LRRC2: variants seen among roughly 807,000 people sequenced by gnomAD.
LRRC2 encodes leucine-rich repeat-containing protein 2.
A neutral mutation model predicts 40.2 loss-of-function variants in LRRC2; 27 were observed. That is an observed-to-expected ratio of 0.67 (90% CI 0.49 to 0.93). LRRC2 has a LOEUF of 0.93. Among genes scored for constraint, LRRC2 ranks in the 40% least tolerant of loss-of-function variants. The probability of loss-of-function intolerance (pLI) is 0.00; values close to 1 mark genes in which losing one functional copy is unlikely to be tolerated. For missense variants in LRRC2, 402 were observed against 439.6 expected, an observed-to-expected ratio of 0.91 and a Z score of 0.76; for synonymous variants, 147 against 158.9, an observed-to-expected ratio of 0.92 and a Z score of 0.56.
chr3:46,529,863 G>A (rs754528464), intron 6 of LRRC2, 42 bp downstream of exon 6: 100 of 1,604,012 alleles, frequency 6.2e-5, no homozygotes, highest in Non-Finnish European at 7.6e-5. Flanking sequence ...TGAAGCGTTA[G>A]TAACTAATAC....
chr3:46,524,370 G>T (rs1704019701), intron 7 of LRRC2, among the ~76,000 whole-genome samples: 1 of 152,188 alleles, frequency 6.6e-6, no homozygotes, highest in Non-Finnish European at 1.5e-5. Flanking sequence ...TGCTGGTACA[G>T]AGTGGTCTGC....
At chr3:46,538,686 C>A (rs935341474) in intron 4 of LRRC2, among the ~76,000 whole-genome samples, 1 of 152,108 alleles carries the variant, frequency 6.6e-6, no homozygotes, top group Non-Finnish European at 1.5e-5. Context: ...TATCAATGGA[C>A]TAATGTATAA....
At chr3:46,538,377 G>A (rs1472023488) in intron 4 of LRRC2, among the ~76,000 whole-genome samples, 1 of 152,190 alleles carries the variant, frequency 6.6e-6, no homozygotes, top group Admixed American at 6.5e-5. Context: ...GCTCATGCCT[G>A]TAATCCCAGC....
intron 4 of LRRC2, among the ~76,000 whole-genome samples, chr3:46,537,754 T>C (rs1405757858): frequency 6.6e-6 from 1 of 152,260 alleles, no homozygotes; most frequent in East Asian, 1.9e-4. Flanking sequence ...TTTACCCTGC[T>C]TAGAAGCTAA....
At chr3:46,534,435 T>TCTTA (rs2107002696) in intron 4 of LRRC2, among the ~76,000 whole-genome samples, 1 of 133,248 alleles carries the variant, frequency 7.5e-6, no homozygotes, top group African/African-American at 4.0e-5. Flanking sequence ...TTTCTTTCTT[T>TCTTA]CTTTCTTTCT....
In LRRC2 at chr3:46,530,056, A is replaced by G. The variant is rs982217961; in HGVS notation, c.628-6T>C. ...ACTTGCTTCAAATTACTTAACTAGA[A>G]ATGAATAACAAAATGTTCTAATTAC... On this transcript the variant is annotated splice_region_variant and splice_polypyrimidine_tract_variant and intron_variant, in intron 5 of 8. Coordinates refer to ENST00000395905, the MANE Select transcript of LRRC2 (RefSeq NM_024512.5). 1 of 1,598,482 alleles carries G rather than the reference A, an allele frequency of 6.3e-7. No homozygotes were observed. Among genetic ancestry groups the G allele is most frequent in the Non-Finnish European group, 8.6e-7 (1 of 1,166,144 alleles).
At chr3:46,532,733 A>G in intron 5 of LRRC2, 40 bp downstream of exon 5, 10 of 1,598,540 alleles carry the variant, frequency 6.3e-6, no homozygotes, top group Non-Finnish European at 8.5e-6. Context: ...TCATAAACCA[A>G]ATAAAAGTGA....
rs1023299018 is a variant in LRRC2, at chr3:46,518,716, T to G, written c.*298A>C. 3.8e-6 allele frequency: 1 copy of G among 261,432 alleles called. No individual in the cohort carries two copies. The highest frequency in any genetic ancestry group is 2.2e-5 in the African/African-American group (1 of 45,112). The allele number at this position is 261,432 out of a possible 1,614,324, so 16.2% of individuals were successfully genotyped here. ...CACTTAACTTCAGTATTTGGTCTTTTAGTTATAATTCTTAAAAATAAGACA... is the reference window on the plus strand; with the variant it reads ...CACTTAACTTCAGTATTTGGTCTTTGAGTTATAATTCTTAAAAATAAGACA... On this transcript the variant is annotated 3_prime_UTR_variant, in exon 9 of 9. Coordinates refer to ENST00000395905, the MANE Select transcript of LRRC2 (RefSeq NM_024512.5).
intron 5 of LRRC2, among the ~76,000 whole-genome samples, chr3:46,530,446 G>A (rs1704138463): frequency 6.6e-6 from 1 of 152,094 alleles, no homozygotes. Context: ...CAGATGTGCT[G>A]GTGCACACCT....
At chr3:46,555,728 T>G (rs895462106) in intron 1 of LRRC2, among the ~76,000 whole-genome samples, 15 of 152,310 alleles carry the variant, frequency 9.8e-5, no homozygotes, top group African/African-American at 2.6e-4. Context: ...AATCATCAAA[T>G]TTAAAGAACT....
chr3:46,542,122 G>A (rs983649407), intron 3 of LRRC2, among the ~76,000 whole-genome samples: 1 of 152,074 alleles, frequency 6.6e-6, no homozygotes, highest in Admixed American at 6.5e-5. Flanking sequence ...CAGCTTGTTA[G>A]TGCTCTGGAC....
intron 1 of LRRC2, among the ~76,000 whole-genome samples, chr3:46,562,333 C>T (rs1013201306): frequency 1.1e-4 from 17 of 152,306 alleles, no homozygotes; most frequent in South Asian, 4.1e-4. Flanking sequence ...CTTCAGATGA[C>T]GGCAGCCCCT....
intron 1 of LRRC2, among the ~76,000 whole-genome samples, chr3:46,563,084 G>GCA (rs201239903): frequency 2.6e-5 from 4 of 151,590 alleles, no homozygotes; most frequent in Admixed American, 1.3e-4. Flanking sequence ...CAGATAGTAT[G>GCA]CACACACACA....
intron 3 of LRRC2, 144 bp downstream of exon 3, chr3:46,544,902 T>C: frequency 1.2e-6 from 1 of 812,072 alleles, no homozygotes; most frequent in East Asian, 2.5e-5. Flanking sequence ...CATCACTGCT[T>C]CCAGGACTGC....
intron 1 of LRRC2, among the ~76,000 whole-genome samples, chr3:46,564,674 C>A (rs1009857923): frequency 1.4e-4 from 21 of 152,078 alleles, no homozygotes; most frequent in Admixed American, 9.2e-4. Flanking sequence ...GAGAGGAGGA[C>A]GGAGCTGATG....
Position 46,566,270 on chromosome 3 carries a change from C to A in LRRC2, c.-113G>T, listed in dbSNP as rs1204777014. On this transcript the variant is annotated 5_prime_UTR_variant, in exon 1 of 9. Transcript: ENST00000395905. ...TTACACCGCAGAGGCTGTTTACACCCGCTGAGCAGCACGGCCGAGCCGGAA... is the reference window on the plus strand; with the variant it reads ...TTACACCGCAGAGGCTGTTTACACCAGCTGAGCAGCACGGCCGAGCCGGAA... 6.6e-6 allele frequency: 1 copy of A among 151,026 alleles called. No individual in the cohort carries two copies. Among genetic ancestry groups the A allele is most frequent in the Non-Finnish European group, 1.5e-5 (1 of 67,556 alleles). The allele number at this position is 151,026 out of a possible 1,614,324, so 9.4% of individuals were successfully genotyped here. A position where few individuals can be genotyped will look rare whatever the true frequency, so the allele number is the denominator to read the frequency against.
chr3:46,564,183 G>C (rs1404885192), intron 1 of LRRC2, among the ~76,000 whole-genome samples: 2 of 152,136 alleles, frequency 1.3e-5, no homozygotes, highest in African/African-American at 4.8e-5. Flanking sequence ...GAGAAAGGGT[G>C]GGGGAGGGGT....
Position 46,532,820 on chromosome 3 carries a change from T to C in LRRC2, c.580A>G (p.Arg194Gly). 1 of 1,613,954 alleles carries C rather than the reference T, an allele frequency of 6.2e-7. No homozygotes were observed. The highest frequency in any genetic ancestry group is 8.5e-7 in the Non-Finnish European group (1 of 1,179,864). ...PELGDCENLERLDCSGNLELM... is the reference protein window; with the variant it reads ...PELGDCENLEGLDCSGNLELM... ...TCTAGATTTCCAGAACAATCCAGTC[T>C]CTCTAGATTTTCACAATCTCCCAAT... is the stretch of plus-strand genomic sequence containing the variant. Residue 194 changes from arginine to glycine, a missense_variant, in exon 5 of 9, where the codon AGA becomes GGA. Coordinates refer to ENST00000395905, the MANE Select transcript of LRRC2 (RefSeq NM_024512.5).
Position 46,518,956 on chromosome 3 carries a change from A to G in LRRC2, c.*58T>C. On this transcript the variant is annotated 3_prime_UTR_variant, in exon 9 of 9. Coordinates refer to ENST00000395905, the MANE Select transcript of LRRC2 (RefSeq NM_024512.5). ...CATTCTTCCTATATGACATGATCAT[A>G]ACAAAGATTTATATATAGCTCCAGA... 1 of 1,166,872 alleles carries G rather than the reference A, an allele frequency of 8.6e-7. No homozygotes were observed. The highest frequency in any genetic ancestry group is 2.3e-5 in the East Asian group (1 of 42,756). 72.3% of individuals were successfully genotyped at this position (1,166,872 alleles called of 1,614,324 possible). A position where few individuals can be genotyped will look rare whatever the true frequency, so the allele number is the denominator to read the frequency against.
Sources: gnomAD v4.1 joint callset for allele counts (sites outside exome capture counted in the v4.1 genomes callset) on GRCh38, gnomAD v4.1.1 for gene constraint, MANE v1.5 for transcripts, NCBI Gene and HGNC (gene_info 2026-07-23, HGNC 2026-07-21) for gene names.